PHACTR1: variants seen among roughly 807,000 people sequenced by gnomAD.
PHACTR1 encodes the protein RPEL repeat containing 1.
A neutral mutation model predicts 69.2 loss-of-function variants in PHACTR1; 16 were observed. The observed-to-expected ratio is 0.23, with a 90% CI of 0.16 to 0.35. PHACTR1 has a LOEUF of 0.35. Ranked by LOEUF, PHACTR1 falls within the 10% of genes least tolerant of loss-of-function variation. The probability of loss-of-function intolerance (pLI) is 1.00; values close to 1 mark genes in which losing one functional copy is unlikely to be tolerated. For synonymous variants in PHACTR1, 312 were observed against 284.5 expected, an observed-to-expected ratio of 1.10 and a Z score of -0.97; for missense variants, 510 against 734.7, an observed-to-expected ratio of 0.69 and a Z score of 3.54.
chr6:13,231,044 A>AGAGG lies in PHACTR1; in HGVS notation c.1391+851_1391+852insGAGG, dbSNP rs1562036490. 6.2e-4 allele frequency among the ~76,000 whole-genome samples: 43 copies of AGAGG among 69,538 alleles called. 3 individuals are homozygous for AGAGG. Among genetic ancestry groups the AGAGG allele is most frequent in the African/African-American group, 2.4e-3 (36 of 15,114 alleles). The allele number at this position is 69,538 out of a possible 152,430, so 45.6% of individuals were successfully genotyped here. A position where few individuals can be genotyped will look rare whatever the true frequency, so the allele number is the denominator to read the frequency against. On this transcript the variant is annotated intron_variant, in intron 10 of 14. Coordinates refer to ENST00000332995, the MANE Select transcript of PHACTR1 (RefSeq NM_030948.6). ...GAAAGAAAGAAAGAGAGAGAGAGAG[A>AGAGG]AAGGAAGGAAGGAAGGAAGGAAGGA...
intron 4 of PHACTR1, among the ~76,000 whole-genome samples, chr6:12,869,813 A>G (rs1781843551): frequency 6.6e-6 from 1 of 152,152 alleles, no homozygotes; most frequent in Non-Finnish European, 1.5e-5. Context: ...TTGTAGTTCT[A>G]TACATTTGAG....
chr6:13,046,191 C>T (rs1010528263), intron 4 of PHACTR1, among the ~76,000 whole-genome samples: 4 of 152,030 alleles, frequency 2.6e-5, no homozygotes, highest in African/African-American at 7.2e-5. Context: ...ATGTAAGTGG[C>T]GTTTCCTCTG....
At chr6:12,750,489 C>T (rs6458438) in intron 4 of PHACTR1, among the ~76,000 whole-genome samples, 58,391 of 143,120 alleles carry the variant, frequency 0.41, 11,902 homozygotes, top group African/African-American at 0.49. Context: ...GGCAGTGGGG[C>T]GCTAGGGAAG....
chr6:13,106,357 T>A (rs1348720013), intron 5 of PHACTR1, among the ~76,000 whole-genome samples: 5 of 152,222 alleles, frequency 3.3e-5, no homozygotes, highest in Non-Finnish European at 7.3e-5. Context: ...CAGTGTTAAA[T>A]AGAAGTAGTG....
chr6:13,268,603 G>A (rs1223394), intron 10 of PHACTR1, among the ~76,000 whole-genome samples: 2,163 of 152,322 alleles, frequency 0.014, 47 homozygotes, highest in African/African-American at 0.049. Context: ...TTTATGATTT[G>A]CAGAGAAAAG....
chr6:13,101,884 C>T (rs980687018), intron 5 of PHACTR1, among the ~76,000 whole-genome samples: 2 of 152,190 alleles, frequency 1.3e-5, no homozygotes, highest in African/African-American at 4.8e-5. Context: ...GAAGACCCAC[C>T]TATTCATGGA....
intron 4 of PHACTR1, among the ~76,000 whole-genome samples, chr6:12,805,366 G>A (rs1051632627): frequency 1.3e-5 from 2 of 152,074 alleles, no homozygotes; most frequent in Non-Finnish European, 2.9e-5. Flanking sequence ...CACTTTTCTA[G>A]AAGTGCGACA....
At chr6:12,759,124 A>C in intron 4 of PHACTR1, among the ~76,000 whole-genome samples, 1 of 122,316 alleles carries the variant, frequency 8.2e-6, no homozygotes, top group African/African-American at 3.2e-5. Context: ...CTCCACCTCA[A>C]AAAAAAAAAA....
chr6:12,860,731 A>G (rs1448726140), intron 4 of PHACTR1, among the ~76,000 whole-genome samples: 3 of 152,084 alleles, frequency 2.0e-5, no homozygotes, highest in African/African-American at 4.8e-5. Context: ...TTTGATTTGC[A>G]TTTCTCTAAT....
intron 5 of PHACTR1, among the ~76,000 whole-genome samples, chr6:13,067,398 ATTC>A (rs1161927161): frequency 6.6e-6 from 1 of 152,206 alleles, no homozygotes; most frequent in African/African-American, 2.4e-5. Context: ...TTAAAACATA[ATTC>A]TTCTACACAT....
chr6:12,978,003 T>G (rs1795095268), intron 4 of PHACTR1, among the ~76,000 whole-genome samples: 1 of 152,208 alleles, frequency 6.6e-6, no homozygotes, highest in Admixed American at 6.5e-5. Flanking sequence ...CTAGGTCCTC[T>G]CCCAAGGCCT....
intron 3 of PHACTR1, among the ~76,000 whole-genome samples, chr6:12,735,155 T>C (rs1466149260): frequency 6.6e-6 from 1 of 152,176 alleles, no homozygotes; most frequent in East Asian, 1.9e-4. Context: ...AGGTGGCTCA[T>C]GCCCATGACA....
In PHACTR1 at chr6:13,283,749, G is replaced by A. The variant is rs1401684927; in HGVS notation, c.1650+187G>A. 12 of 796,936 alleles carry A rather than the reference G, an allele frequency of 1.5e-5. No homozygotes were observed. The highest frequency in any genetic ancestry group is 1.7e-5 in the African/African-American group (1 of 57,936). 49.4% of individuals were successfully genotyped at this position (796,936 alleles called of 1,614,324 possible). ...TAATCTGCGGAAAGGCTGCTGAATC[G>A]GAGAAAACACAAGGCACATAATACT... On this transcript the variant is annotated intron_variant, in intron 13 of 14. Transcript: ENST00000332995. This position sits in a 1 kb window ranked among gnomAD's most constrained non-coding sequence, Gnocchi z 4.7.
chr6:13,283,621 G>A lies in PHACTR1; in HGVS notation c.1650+59G>A, dbSNP rs528472039. On this transcript the variant is annotated intron_variant, in intron 13 of 14. Coordinates refer to ENST00000332995, the MANE Select transcript of PHACTR1 (RefSeq NM_030948.6). This position sits in a 1 kb window ranked among gnomAD's most constrained non-coding sequence, Gnocchi z 4.7. The stretch of plus-strand genomic sequence containing the variant: ...AGGACCGTCTGCTGGGTCTCGCTGG[G>A]CTCACCGCTGGGGAGCGTGTAGGGA... 5.9e-5 allele frequency: 95 copies of A among 1,612,030 alleles called. No individual in the cohort carries two copies. The African/African-American group carries it at 1.1e-3, about 18-fold the overall frequency.
chr6:12,917,479 G>T (rs759071610), intron 4 of PHACTR1, among the ~76,000 whole-genome samples: 1 of 152,180 alleles, frequency 6.6e-6, no homozygotes, highest in Non-Finnish European at 1.5e-5. Flanking sequence ...CAGGCCAGGC[G>T]CAGTGGCTCA....
chr6:13,154,448 G>A (rs9369888), intron 5 of PHACTR1, among the ~76,000 whole-genome samples: 75,031 of 152,006 alleles, frequency 0.49, 19,737 homozygotes, highest in East Asian at 0.66. Flanking sequence ...TTGAGCCATC[G>A]TGCCCAGCCT....
At chr6:12,782,363 A>G (rs1770950955) in intron 4 of PHACTR1, among the ~76,000 whole-genome samples, 1 of 152,324 alleles carries the variant, frequency 6.6e-6, no homozygotes, top group East Asian at 1.9e-4. Flanking sequence ...GAAAGGACAC[A>G]TTCGACTTGT....
rs967326532 is a variant in PHACTR1, at chr6:12,989,387, G to A, written c.251-63978G>A. On this transcript the variant is annotated intron_variant, in intron 4 of 14. Transcript: ENST00000332995. Reference sequence around the variant, plus strand: ...CTGAGGGTAGAATGAATAACTTTGGGTAGTCAAGAAAGTTATCATCAGGAG... The same window carrying A: ...CTGAGGGTAGAATGAATAACTTTGGATAGTCAAGAAAGTTATCATCAGGAG... 1.5e-4 allele frequency among the ~76,000 whole-genome samples: 23 copies of A among 152,180 alleles called. 1 individual carries two copies. The highest frequency in any genetic ancestry group is 3.3e-4 in the Admixed American group (5 of 15,264).
chr6:13,174,976 C>T (rs1017406972), intron 6 of PHACTR1, among the ~76,000 whole-genome samples: 2 of 152,186 alleles, frequency 1.3e-5, no homozygotes, highest in African/African-American at 2.4e-5. Flanking sequence ...AAAAGTCCAA[C>T]ATAATGCTGG....
Sources: gnomAD v4.1 joint callset for allele counts (sites outside exome capture counted in the v4.1 genomes callset) on GRCh38, gnomAD v4.1.1 for gene constraint, Gnocchi (gnomAD v3.1) non-coding constraint, MANE v1.5 for transcripts, NCBI Gene and HGNC (gene_info 2026-07-23, HGNC 2026-07-21) for gene names.